Variants in SLC4A7 observed in about 807,000 individuals in gnomAD.
SLC4A7 encodes the protein solute carrier family 4 member 7, also known as sodium bicarbonate cotransporter 3.
SLC4A7 carries 51 observed loss-of-function variants against 137.6 expected under a neutral mutation model. That is an observed-to-expected ratio of 0.37 (90% confidence interval 0.30 to 0.47). SLC4A7 has a LOEUF of 0.47. Ranked by LOEUF, SLC4A7 falls within the 20% of genes least tolerant of loss-of-function variation. SLC4A7 has a pLI of 1.00. For synonymous variants in SLC4A7, 542 were observed against 518.6 expected (o/e 1.05, Z -0.61); for missense variants, 1,247 against 1,525.4 (o/e 0.82, Z 3.04).
chr3:27,417,981 C>G (rs1373283411), intron 11 of SLC4A7, among the ~76,000 whole-genome samples: 1 of 152,054 alleles, frequency 6.6e-6, no homozygotes, highest in Non-Finnish European at 1.5e-5. Flanking sequence ...ACCCAGCAAT[C>G]CTATTACTGG....
At chr3:27,443,354 C>T (rs113316080) in intron 3 of SLC4A7, among the ~76,000 whole-genome samples, 1,631 of 152,096 alleles carry the variant, frequency 0.011, 10 homozygotes, top group South Asian at 0.02. Context: ...CTAATTTCTG[C>T]GGGATGTGTA....
At position 27,470,649 on chromosome 3, in the gene SLC4A7, A is replaced by G. The variant is rs1232715515; in HGVS notation, c.60+13418T>C. ...CAGAGTAGCTCCAACTTTAAAAAAA[A>G]AAAAAAAAAACAGCCAGGCACGGTG... On this transcript the variant is annotated intron_variant, in intron 1 of 25. Transcript: ENST00000454389. 6.1e-5 allele frequency among the ~76,000 whole-genome samples: 8 copies of G among 130,942 alleles called. No homozygotes were observed. The Admixed American group carries it at 6.2e-4, about 10-fold the overall frequency. 85.9% of individuals were successfully genotyped at this position (130,942 alleles called of 152,430 possible). A position where few individuals can be genotyped will look rare whatever the true frequency, so the allele number is the denominator to read the frequency against.
At chr3:27,406,253 A>G (rs1279975941) in intron 13 of SLC4A7, among the ~76,000 whole-genome samples, 1 of 152,242 alleles carries the variant, frequency 6.6e-6, no homozygotes, top group Non-Finnish European at 1.5e-5. Flanking sequence ...TAACTAGAAC[A>G]TAAATATTAT....
rs1041516447 is a variant in SLC4A7, at chr3:27,484,161, A to T, written c.-35T>A. ...GCCAGCCCGTGACGGCCGCTACGGT[A>T]CTGCCCCGCGCGGTCTGCCTGCTTC... On this transcript the variant is annotated 5_prime_UTR_variant, in exon 1 of 26. Coordinates refer to ENST00000454389, the MANE Select transcript of SLC4A7 (RefSeq NM_001321103.2). 3.9e-6 allele frequency: 5 copies of T among 1,294,250 alleles called. No individual in the cohort carries two copies. In the Admixed American group the frequency reaches 1.9e-4, roughly 50 times the overall value. 80.2% of individuals were successfully genotyped at this position (1,294,250 alleles called of 1,614,324 possible).
intron 24 of SLC4A7, among the ~76,000 whole-genome samples, chr3:27,382,397 G>T (rs1399262745): frequency 6.6e-6 from 1 of 152,022 alleles, no homozygotes; most frequent in Non-Finnish European, 1.5e-5. Flanking sequence ...TTACAGGTGT[G>T]AGCCACCACA....
At chr3:27,384,761 A>C (rs1470573358) in intron 23 of SLC4A7, among the ~76,000 whole-genome samples, 1 of 152,046 alleles carries the variant, frequency 6.6e-6, no homozygotes, top group Non-Finnish European at 1.5e-5. Context: ...TCAGGAGTTG[A>C]AGACCAGCCT....
Position 27,403,241 on chromosome 3 carries a change from A to G in SLC4A7, c.2219T>C (p.Ile740Thr). Residue 740 changes from isoleucine (I) to threonine (T), a missense_variant, in exon 15 of 26, where the codon ATT becomes ACT. Transcript: ENST00000454389. The part of the protein sequence containing the change: ...RFTEEAFAAL[I>T]CIIFIYEALE... ...AGCCTCGTAGATGAATATGATGCAA[A>G]TAAGGGCTGCAAAAGCCTCTTCTGT... The G allele has an allele frequency of 6.2e-7, 1 of 1,614,014 alleles. No homozygotes were observed. The highest frequency in any genetic ancestry group is 8.5e-7 in the Non-Finnish European group (1 of 1,179,948).
intron 13 of SLC4A7, among the ~76,000 whole-genome samples, chr3:27,405,583 G>A (rs2150174364): frequency 6.6e-6 from 1 of 152,134 alleles, no homozygotes; most frequent in African/African-American, 2.4e-5. Flanking sequence ...AAATAATATG[G>A]TGCTACAAAA....
At chr3:27,400,059 G>C (rs915174025) in intron 16 of SLC4A7, among the ~76,000 whole-genome samples, 1 of 152,092 alleles carries the variant, frequency 6.6e-6, no homozygotes, top group Non-Finnish European at 1.5e-5. Context: ...GATATAAAAA[G>C]CACAACGGTA....
intron 1 of SLC4A7, among the ~76,000 whole-genome samples, chr3:27,465,886 G>A (rs186997453): frequency 4.7e-3 from 707 of 150,756 alleles, no homozygotes; most frequent in African/African-American, 0.016. Flanking sequence ...CCCGGGAGGC[G>A]GAGGTTGCAG....
chr3:27,464,050 C>G (rs559241309), intron 1 of SLC4A7, among the ~76,000 whole-genome samples: 9 of 152,100 alleles, frequency 5.9e-5, no homozygotes, highest in Non-Finnish European at 1.3e-4. Flanking sequence ...ACCAGGCGTG[C>G]CTGTTATCCC....
intron 1 of SLC4A7, among the ~76,000 whole-genome samples, chr3:27,478,953 C>T (rs1032771512): frequency 1.4e-4 from 21 of 151,108 alleles, no homozygotes; most frequent in African/African-American, 5.1e-4. Context: ...TGCCGTGAGT[C>T]GAGATCGCAC....
intron 25 of SLC4A7, among the ~76,000 whole-genome samples, chr3:27,378,682 T>C (rs1476565853): frequency 2.6e-5 from 4 of 152,180 alleles, no homozygotes; most frequent in African/African-American, 9.7e-5. Context: ...AAGCAAAATG[T>C]TTACCTCACC....
intron 3 of SLC4A7, among the ~76,000 whole-genome samples, chr3:27,447,995 T>G (rs1373037123): frequency 6.6e-6 from 1 of 151,784 alleles, no homozygotes; most frequent in Non-Finnish European, 1.5e-5. Context: ...GTGGATCACT[T>G]GAGGTCAGGA....
intron 3 of SLC4A7, among the ~76,000 whole-genome samples, chr3:27,445,801 G>A (rs933752618): frequency 4.1e-5 from 6 of 147,608 alleles, no homozygotes; most frequent in South Asian, 2.1e-4. Context: ...GCGTGGTGGC[G>A]GGCACCTGTA....
At chr3:27,448,600 T>C in intron 3 of SLC4A7, 51 bp downstream of exon 3, 2 of 1,492,904 alleles carry the variant, frequency 1.3e-6, no homozygotes, top group Non-Finnish European at 1.8e-6. Context: ...GAAAATACTT[T>C]CCAGGAAAAT....
In SLC4A7 at chr3:27,484,140, G is replaced by C; in HGVS notation, c.-14C>G. On this transcript the variant is annotated 5_prime_UTR_variant, in exon 1 of 26. Coordinates refer to ENST00000454389, the MANE Select transcript of SLC4A7 (RefSeq NM_001321103.2). ...ATCAGCCTCCATGGCCGGCCGGCCA[G>C]CCCGTGACGGCCGCTACGGTACTGC... The C allele has an allele frequency of 2.9e-6, 4 of 1,362,534 alleles. No homozygotes were observed. Among genetic ancestry groups the C allele is most frequent in the Non-Finnish European group, 3.8e-6 (4 of 1,054,360 alleles). The allele number at this position is 1,362,534 out of a possible 1,614,324, so 84.4% of individuals were successfully genotyped here. A position where few individuals can be genotyped will look rare whatever the true frequency, so the allele number is the denominator to read the frequency against.
intron 2 of SLC4A7, among the ~76,000 whole-genome samples, 192 bp downstream of exon 2, chr3:27,452,225 A>G (rs1251072359): frequency 1.3e-5 from 2 of 152,154 alleles, no homozygotes; most frequent in African/African-American, 4.8e-5. Flanking sequence ...AACCATCACT[A>G]AATTTTGAGA....
At chr3:27,484,003 C>T in intron 1 of SLC4A7, 64 bp downstream of exon 1, 1 of 1,241,584 alleles carries the variant, frequency 8.1e-7, no homozygotes, top group Non-Finnish European at 1.0e-6. Flanking sequence ...GCGCCCCCCG[C>T]CTTTGTCTGC....
Sources: gnomAD v4.1 joint callset for allele counts (sites outside exome capture counted in the v4.1 genomes callset) on GRCh38, gnomAD v4.1.1 for gene constraint, MANE v1.5 for transcripts, NCBI Gene and HGNC (gene_info 2026-07-23, HGNC 2026-07-21) for gene names.